The following BBOX1 variants were observed in gnomAD, a reference collection of about 807,000 sequenced individuals.
BBOX1 encodes gamma-butyrobetaine dioxygenase.
BBOX1 carries 35 observed loss-of-function variants against 41.6 expected under a neutral mutation model. That is an observed-to-expected ratio of 0.84 (90% CI 0.64 to 1.11). The LOEUF (loss-of-function observed/expected upper bound fraction) is 1.11. Ranked by LOEUF, BBOX1 falls within the 50% of genes most tolerant of loss-of-function variation. The pLI is 0.00. For synonymous variants in BBOX1, 163 were observed against 154.7 expected (o/e 1.05, Z -0.40); for missense variants, 458 against 460.6 (o/e 0.99, Z 0.05).
At chr11:27,100,950 A>G (rs1270137769) in intron 5 of BBOX1, among the ~76,000 whole-genome samples, 1 of 152,038 alleles carries the variant, frequency 6.6e-6, no homozygotes, top group Admixed American at 6.6e-5. Flanking sequence ...ATAATTTTTT[A>G]TTAAGCCCCT....
At chr11:27,074,305 G>T (rs111353240) in intron 4 of BBOX1, among the ~76,000 whole-genome samples, 13 of 152,034 alleles carry the variant, frequency 8.6e-5, no homozygotes, top group African/African-American at 2.9e-4. Context: ...ATTGGTACTG[G>T]GGGTGGGGCA....
intron 7 of BBOX1, among the ~76,000 whole-genome samples, chr11:27,120,571 A>C (rs1564991560): frequency 6.6e-6 from 1 of 152,094 alleles, no homozygotes; most frequent in African/African-American, 2.4e-5. Flanking sequence ...AACATTTTGT[A>C]TTCTCCCTTT....
intron 4 of BBOX1, chr11:27,066,730 T>C (rs1323597776): frequency 6.6e-6 from 1 of 151,942 alleles, no homozygotes; most frequent in Non-Finnish European, 1.5e-5. Context: ...TTTACGTTCA[T>C]ACATACTATT....
chr11:27,092,480 AT>A, intron 4 of BBOX1, among the ~76,000 whole-genome samples: 1 of 151,874 alleles, frequency 6.6e-6, no homozygotes, highest in South Asian at 2.1e-4. Flanking sequence ...TATTTTTTAC[AT>A]TTTTCTTTCT....
intron 4 of BBOX1, among the ~76,000 whole-genome samples, chr11:27,077,909 C>G (rs962421857): frequency 2.0e-5 from 3 of 152,006 alleles, no homozygotes; most frequent in African/African-American, 7.2e-5. Context: ...ACCCAGCATG[C>G]ACAATTCTAA....
chr11:27,126,355 A>G (rs1404715303), intron 8 of BBOX1, among the ~76,000 whole-genome samples: 7 of 152,214 alleles, frequency 4.6e-5, no homozygotes, highest in African/African-American at 9.6e-5. Flanking sequence ...ATCCACTGCC[A>G]TGCAGTCACA....
At chr11:27,074,836 T>A (rs1857582427) in intron 4 of BBOX1, among the ~76,000 whole-genome samples, 1 of 152,198 alleles carries the variant, frequency 6.6e-6, no homozygotes. Context: ...TATCTCCCAT[T>A]CAGGCCACAA....
At chr11:27,058,641 G>A (rs1018973174) in intron 4 of BBOX1, among the ~76,000 whole-genome samples, 1 of 152,196 alleles carries the variant, frequency 6.6e-6, no homozygotes, top group African/African-American at 2.4e-5. Context: ...GTGAAGCAAA[G>A]GTCACATATG....
chr11:27,125,110 A>T (rs1027504735), intron 7 of BBOX1, among the ~76,000 whole-genome samples: 17 of 152,176 alleles, frequency 1.1e-4, no homozygotes, highest in African/African-American at 4.1e-4. Context: ...AGGATGAGTA[A>T]ATAGATAGAA....
At chr11:27,120,136 G>A (rs985213138) in intron 7 of BBOX1, among the ~76,000 whole-genome samples, 2 of 152,046 alleles carry the variant, frequency 1.3e-5, no homozygotes, top group Non-Finnish European at 2.9e-5. Context: ...CTAGTTAGAA[G>A]GCTTTTGGCC....
chr11:27,068,227 C>A (rs958357689), intron 4 of BBOX1, among the ~76,000 whole-genome samples: 2 of 152,130 alleles, frequency 1.3e-5, no homozygotes, highest in African/African-American at 4.8e-5. Flanking sequence ...CACATCCATG[C>A]AAATATCTGT....
chr11:27,099,623 T>G lies in BBOX1; in HGVS notation c.533+6257T>G, dbSNP rs184482113. Reference sequence around the variant, plus strand: ...ACCCAGTGCCCCCCAGCATCTGTACTGGATTACGTCCTTGACAGCTGCTCA... The same window carrying G: ...ACCCAGTGCCCCCCAGCATCTGTACGGGATTACGTCCTTGACAGCTGCTCA... On this transcript the variant is annotated intron_variant, in intron 5 of 8. Coordinates refer to ENST00000263182, the MANE Select transcript of BBOX1 (RefSeq NM_003986.3). 5.9e-5 allele frequency among the ~76,000 whole-genome samples: 9 copies of G among 152,212 alleles called. No homozygotes were observed. The East Asian group carries it at 1.7e-3, about 30-fold the overall frequency.
chr11:27,119,575 T>C (rs1168725729), intron 6 of BBOX1, 74 bp from the exon 7 acceptor site: 2 of 866,996 alleles, frequency 2.3e-6, no homozygotes, highest in East Asian at 7.6e-5. Flanking sequence ...TATTATTTAT[T>C]TTATTGAAGA....
At chr11:27,043,690 A>G (rs7479320) in intron 2 of BBOX1, among the ~76,000 whole-genome samples, 79,936 of 151,862 alleles carry the variant, frequency 0.53, 21,388 homozygotes, top group African/African-American at 0.63. Flanking sequence ...GAGAACATGC[A>G]GTATTTGGTC....
intron 2 of BBOX1, among the ~76,000 whole-genome samples, chr11:27,050,670 G>A (rs567639703): frequency 5.3e-5 from 8 of 152,142 alleles, no homozygotes; most frequent in South Asian, 4.1e-4. Flanking sequence ...TAAATGCTAC[G>A]AATATTTGTA....
Position 27,115,491 on chromosome 11 carries a change from T to C in BBOX1, c.573T>C (p.Asn191=), listed in dbSNP as rs765081014. The C allele has an allele frequency of 9.3e-6, 15 of 1,611,182 alleles. 1 individual carries two copies. The highest frequency in any genetic ancestry group is 1.3e-5 in the Non-Finnish European group (15 of 1,178,150). ...TGCAAGACAAAATCGATGCAAACAA[T>C]GTGGCTTACACAACTGGGAAGCTAA... ...WQVQDKIDAN[N]VAYTTGKLSF... is the part of the protein sequence containing the mutation. The change falls in exon 6 of 9, where the codon AAT becomes AAC. Residue 191 remains asparagine, a synonymous_variant. Coordinates refer to ENST00000263182, the MANE Select transcript of BBOX1 (RefSeq NM_003986.3).
intron 5 of BBOX1, among the ~76,000 whole-genome samples, chr11:27,107,050 GAC>G (rs1858897721): frequency 6.6e-6 from 1 of 152,036 alleles, no homozygotes; most frequent in Non-Finnish European, 1.5e-5. Flanking sequence ...CGAGAACAAA[GAC>G]ACAACATACT....
At chr11:27,074,057 T>G (rs1000345181) in intron 4 of BBOX1, among the ~76,000 whole-genome samples, 13 of 151,870 alleles carry the variant, frequency 8.6e-5, no homozygotes, top group Non-Finnish European at 1.8e-4. Flanking sequence ...GAACTTAAAG[T>G]ATAATATAAA....
chr11:27,056,699 T>C (rs11029812), intron 3 of BBOX1, among the ~76,000 whole-genome samples: 29,686 of 152,138 alleles, frequency 0.2, 3,366 homozygotes, highest in South Asian at 0.39. Context: ...TTGAGTGCTA[T>C]TTAAGGGCCT....
Sources: gnomAD v4.1 joint callset for allele counts (sites outside exome capture counted in the v4.1 genomes callset) on GRCh38, gnomAD v4.1.1 for gene constraint, MANE v1.5 for transcripts, NCBI Gene and HGNC (gene_info 2026-07-23, HGNC 2026-07-21) for gene names.